Variants in AK3 observed in about 807,000 individuals in gnomAD.
The protein encoded by AK3 is GTP:AMP phosphotransferase AK3, mitochondrial.
A neutral mutation model predicts 23.7 loss-of-function variants in AK3; 27 were observed. The observed-to-expected ratio is 1.14, with a 90% confidence interval of 0.84 to 1.57. The LOEUF is 1.57. Among genes scored for constraint, AK3 ranks in the 40% most tolerant of loss-of-function variants. AK3 has a pLI of 0.00. For missense variants in AK3, 406 were observed against 285.6 expected (o/e 1.42, Z -3.04); for synonymous variants, 159 against 116.0 (o/e 1.37, Z -2.38).
At position 4,718,683 on chromosome 9, in the gene AK3, T is replaced by C. The variant is rs1841804393; in HGVS notation, c.445-146A>G. 8.0e-6 allele frequency: 5 copies of C among 623,388 alleles called. No individual in the cohort carries two copies. In the South Asian group the frequency reaches 1.0e-4, roughly 12 times the overall value. 38.6% of individuals were successfully genotyped at this position (623,388 alleles called of 1,614,324 possible). A position where few individuals can be genotyped will look rare whatever the true frequency, so the allele number is the denominator to read the frequency against. On this transcript the variant is annotated intron_variant, in intron 3 of 4. Transcript: ENST00000381809. ...ACTTTTAAAAAAATGGAATCCAACC[T>C]CAAAAGAGATCATCGCAACAGAAAC...
chr9:4,733,650 T>C (rs1348433149), intron 1 of AK3, among the ~76,000 whole-genome samples: 2 of 152,210 alleles, frequency 1.3e-5, no homozygotes, highest in East Asian at 3.8e-4. Flanking sequence ...GTTCCAGGTC[T>C]ACACTCCCCT....
chr9:4,722,474 G>T, intron 2 of AK3, 32 bp downstream of exon 2: 1 of 1,613,690 alleles, frequency 6.2e-7, no homozygotes, highest in South Asian at 1.1e-5. Context: ...GATTATTTTG[G>T]GCAGGTGAAA....
chr9:4,732,907 A>G (rs1403968950), intron 1 of AK3, among the ~76,000 whole-genome samples: 3 of 149,650 alleles, frequency 2.0e-5, no homozygotes, highest in Non-Finnish European at 3.0e-5. Flanking sequence ...ATGCAGTGGC[A>G]TGATTATAAC....
intron 2 of AK3, among the ~76,000 whole-genome samples, chr9:4,719,919 G>T (rs1169922007): frequency 2.0e-5 from 3 of 151,918 alleles, no homozygotes; most frequent in Admixed American, 2.0e-4. Flanking sequence ...ACAAAAATTA[G>T]CCTGGCATGA....
At chr9:4,728,637 C>G (rs904902987) in intron 1 of AK3, among the ~76,000 whole-genome samples, 1 of 151,914 alleles carries the variant, frequency 6.6e-6, no homozygotes, top group African/African-American at 2.4e-5. Flanking sequence ...TCATATATTG[C>G]TGGTAGCATT....
chr9:4,738,564 A>G, intron 1 of AK3, among the ~76,000 whole-genome samples: 1 of 152,026 alleles, frequency 6.6e-6, no homozygotes, highest in Admixed American at 6.6e-5. Flanking sequence ...CAATTTTAGA[A>G]TACAACCATT....
At chr9:4,739,015 C>A (rs1587663531) in intron 1 of AK3, among the ~76,000 whole-genome samples, 1 of 151,922 alleles carries the variant, frequency 6.6e-6, no homozygotes, top group African/African-American at 2.4e-5. Context: ...CTCAAGTGAC[C>A]TGCCCGACTC....
intron 4 of AK3, among the ~76,000 whole-genome samples, chr9:4,717,647 C>T (rs1383715796): frequency 6.6e-6 from 1 of 152,150 alleles, no homozygotes; most frequent in South Asian, 2.1e-4. Flanking sequence ...AGAAATTGTA[C>T]CTCGAGCACC....
intron 1 of AK3, among the ~76,000 whole-genome samples, chr9:4,730,622 C>G (rs564261101): frequency 6.6e-6 from 1 of 151,988 alleles, no homozygotes; most frequent in African/African-American, 2.4e-5. Context: ...AAAAACAAAA[C>G]GAAAACCAGG....
At chr9:4,725,894 T>C (rs1327583321) in intron 1 of AK3, among the ~76,000 whole-genome samples, 1 of 152,086 alleles carries the variant, frequency 6.6e-6, no homozygotes, top group African/African-American at 2.4e-5. Flanking sequence ...AACATGGTTA[T>C]AGTCAAAAAG....
chr9:4,736,030 A>C (rs936619994), intron 1 of AK3, among the ~76,000 whole-genome samples: 1 of 150,500 alleles, frequency 6.6e-6, no homozygotes, highest in Non-Finnish European at 1.5e-5. Context: ...CAGGAGAAGC[A>C]CTTGAACGTG....
At chr9:4,716,651 C>G (rs1051533224) in intron 4 of AK3, among the ~76,000 whole-genome samples, 1 of 152,206 alleles carries the variant, frequency 6.6e-6, no homozygotes, top group African/African-American at 2.4e-5. Context: ...GTTTGAAAGG[C>G]CAGGCATGGT....
chr9:4,726,493 C>T (rs1252686732), intron 1 of AK3, among the ~76,000 whole-genome samples: 1 of 152,148 alleles, frequency 6.6e-6, no homozygotes, highest in African/African-American at 2.4e-5. Flanking sequence ...CAAGAAACCA[C>T]GTTCTTTGCT....
intron 1 of AK3, among the ~76,000 whole-genome samples, chr9:4,731,860 C>T (rs906559125): frequency 1.3e-5 from 2 of 152,318 alleles, no homozygotes; most frequent in African/African-American, 4.8e-5. Context: ...CCCTCCTCCT[C>T]CTCAGTCTAC....
rs755288788 is a variant in AK3, at chr9:4,722,494, G to C, written c.271+12C>G. On this transcript the variant is annotated intron_variant, in intron 2 of 4. Transcript: ENST00000381809. ...TTTTGGGCAGGTGAAATGCTCATGA[G>C]ACTCCACTTACCATCCAACAGCCAG... 3.7e-6 allele frequency: 6 copies of C among 1,613,910 alleles called. No homozygotes were observed. In the African/African-American group the frequency reaches 5.3e-5, roughly 14 times the overall value.
intron 1 of AK3, among the ~76,000 whole-genome samples, chr9:4,729,077 C>A (rs1044537204): frequency 1.4e-5 from 2 of 146,774 alleles, no homozygotes; most frequent in African/African-American, 5.1e-5. Context: ...ATGGCGCAAT[C>A]TTGGCTCACT....
At chr9:4,722,106 T>C (rs550764391) in intron 2 of AK3, among the ~76,000 whole-genome samples, 1 of 152,162 alleles carries the variant, frequency 6.6e-6, no homozygotes, top group Non-Finnish European at 1.5e-5. Context: ...CTGAAACAAA[T>C]CTCTTTTGTG....
At chr9:4,722,338 T>G (rs775722325) in intron 2 of AK3, among the ~76,000 whole-genome samples, 168 bp downstream of exon 2, 2 of 152,174 alleles carry the variant, frequency 1.3e-5, no homozygotes, top group Non-Finnish European at 2.9e-5. Flanking sequence ...CTCTTTCCAT[T>G]TGGATATAGA....
At chr9:4,722,347 G>GAA (rs2130886352) in intron 2 of AK3, among the ~76,000 whole-genome samples, 159 bp downstream of exon 2, 1 of 152,346 alleles carries the variant, frequency 6.6e-6, no homozygotes, top group East Asian at 1.9e-4. Flanking sequence ...TTTGGATATA[G>GAA]AACTGGTCCC....
Sources: allele counts gnomAD v4.1 joint callset (sites outside exome capture counted in the v4.1 genomes callset), GRCh38; gene constraint gnomAD v4.1.1; transcripts MANE v1.5; gene names NCBI Gene and HGNC (gene_info 2026-07-23, HGNC 2026-07-21).